USP6NL: variants seen among roughly 807,000 people sequenced by gnomAD.
USP6NL encodes the protein USP6 N-terminal like.
A neutral mutation model predicts 61.9 loss-of-function variants in USP6NL; 26 were observed. That is an observed-to-expected ratio of 0.42 (90% CI 0.31 to 0.58). The LOEUF is 0.58. Among genes scored for constraint, USP6NL ranks in the 20% least tolerant of loss-of-function variants. The probability of loss-of-function intolerance (pLI) is 0.16; values close to 1 mark genes in which losing one functional copy is unlikely to be tolerated. For missense variants in USP6NL, 1,114 were observed against 1,034.3 expected, an observed-to-expected ratio of 1.08 and a Z score of -1.06; for synonymous variants, 432 against 390.1, an observed-to-expected ratio of 1.11 and a Z score of -1.27.
intron 2 of USP6NL, among the ~76,000 whole-genome samples, chr10:11,557,914 GA>G: frequency 6.6e-6 from 1 of 152,182 alleles, no homozygotes; most frequent in Admixed American, 6.5e-5. Flanking sequence ...ATAACCAGCT[GA>G]AAATAGGTAT....
chr10:11,567,446 T>C (rs1340861124), intron 2 of USP6NL, among the ~76,000 whole-genome samples: 2 of 152,206 alleles, frequency 1.3e-5, no homozygotes, highest in Admixed American at 1.3e-4. Flanking sequence ...TAAAACAAAG[T>C]CTTGACAAAA....
intron 2 of USP6NL, 45 bp from the exon 3 acceptor site, chr10:11,527,612 T>A (rs1243583550): frequency 6.6e-6 from 10 of 1,525,144 alleles, no homozygotes; most frequent in Non-Finnish European, 8.9e-6. Context: ...ATTGAAAGAA[T>A]CGTAAAGTTA....
At chr10:11,546,425 G>C (rs1417458800) in intron 2 of USP6NL, among the ~76,000 whole-genome samples, 1 of 151,880 alleles carries the variant, frequency 6.6e-6, no homozygotes, top group African/African-American at 2.4e-5. Flanking sequence ...TTTTTCAGAC[G>C]GAGTCTTGAT....
intron 1 of USP6NL, among the ~76,000 whole-genome samples, chr10:11,610,090 C>T (rs1333723974): frequency 2.0e-5 from 3 of 152,102 alleles, no homozygotes; most frequent in Non-Finnish European, 4.4e-5. Flanking sequence ...ATATAATCAG[C>T]AAAGGAATTT....
At position 11,592,549 on chromosome 10, in the gene USP6NL, T is replaced by C. The variant is rs1037427839; in HGVS notation, c.4+5082A>G. Among the ~76,000 whole-genome samples the C allele has an allele frequency of 3.3e-5, 5 of 152,248 alleles. No individual in the cohort carries two copies. Among genetic ancestry groups the C allele is most frequent in the African/African-American group, 7.2e-5 (3 of 41,470 alleles). ...TTTATCAAACATAAATGAGTCTTAA[T>C]ATAACAAAAGGATACCTGTTATACT... On this transcript the variant is annotated intron_variant, in intron 2 of 14. Transcript: ENST00000609104. This position sits in a 1 kb window ranked among gnomAD's most constrained non-coding sequence, Gnocchi z 4.7.
intron 4 of USP6NL, among the ~76,000 whole-genome samples, chr10:11,523,154 A>G (rs1209355700): frequency 6.6e-6 from 1 of 152,262 alleles, no homozygotes; most frequent in Non-Finnish European, 1.5e-5. Context: ...GTGAAAACAT[A>G]AATACAAAAG....
intron 2 of USP6NL, among the ~76,000 whole-genome samples, chr10:11,571,136 T>C (rs1049311114): frequency 1.3e-5 from 2 of 151,306 alleles, no homozygotes; most frequent in African/African-American, 2.4e-5. Context: ...CAAGCTGGAG[T>C]GCAATGGCGC....
rs1260325173 is a variant in USP6NL at position 11,589,355 on chromosome 10, G to A, written c.4+8276C>T. The stretch of plus-strand genomic sequence containing the variant: ...CATAATTGTCAAAAGTAAACAGTTT[G>A]CAATGCTCTTCCAACACTGGTAATA... On this transcript the variant is annotated intron_variant, in intron 2 of 14. Transcript: ENST00000609104. The surrounding 1 kb of genome is among the most constrained non-coding windows in gnomAD (Gnocchi z 4.7). Among the ~76,000 whole-genome samples the A allele has an allele frequency of 6.6e-6, 1 of 152,108 alleles. No homozygotes were observed. The highest frequency in any genetic ancestry group is 2.4e-5 in the African/African-American group (1 of 41,430).
intron 14 of USP6NL, among the ~76,000 whole-genome samples, 175 bp from the exon 15 acceptor site, chr10:11,464,024 AG>A: frequency 6.6e-6 from 1 of 152,322 alleles, no homozygotes; most frequent in Non-Finnish European, 1.5e-5. Flanking sequence ...TTTATACCAC[AG>A]AAAGTTGGTA....
intron 2 of USP6NL, among the ~76,000 whole-genome samples, chr10:11,576,158 G>T (rs1330418852): frequency 6.6e-6 from 1 of 151,768 alleles, no homozygotes; most frequent in Non-Finnish European, 1.5e-5. Flanking sequence ...TAACGCTGGG[G>T]AAATCCAGGT....
At chr10:11,484,820 A>G (rs535314733) in intron 13 of USP6NL, 151 bp downstream of exon 13, 1 of 572,362 alleles carries the variant, frequency 1.7e-6, no homozygotes, top group African/African-American at 1.9e-5. Context: ...AAAGTACATT[A>G]CCAATTGATG....
Position 11,485,976 on chromosome 10 carries a change from C to A in USP6NL, c.665-65G>T, listed in dbSNP as rs969395906. ...CCAACAAAACCCTCCAATCTTAAAA[C>A]ACAACATATTTCATTTGTAACTGTC... is the stretch of plus-strand genomic sequence containing the variant. On this transcript the variant is annotated intron_variant, in intron 10 of 14. Transcript: ENST00000609104. The surrounding 1 kb of genome is among the most constrained non-coding windows in gnomAD (Gnocchi z 4.8). The A allele has an allele frequency of 9.2e-7, 1 of 1,085,982 alleles. No homozygotes were observed. The highest frequency in any genetic ancestry group is 1.3e-6 in the Non-Finnish European group (1 of 768,442). The allele number at this position is 1,085,982 out of a possible 1,614,324, so 67.3% of individuals were successfully genotyped here.
At chr10:11,519,263 A>T (rs899879743) in intron 4 of USP6NL, among the ~76,000 whole-genome samples, 2 of 152,178 alleles carry the variant, frequency 1.3e-5, no homozygotes, top group Non-Finnish European at 2.9e-5. Flanking sequence ...ATGATTGTTT[A>T]AAAAAATAGC....
At chr10:11,543,416 C>A (rs1836145291) in intron 2 of USP6NL, among the ~76,000 whole-genome samples, 1 of 152,090 alleles carries the variant, frequency 6.6e-6, no homozygotes, top group Non-Finnish European at 1.5e-5. Flanking sequence ...GTGGCAGGCG[C>A]CTGTACTCCC....
chr10:11,545,852 A>T (rs1311309913), intron 2 of USP6NL, among the ~76,000 whole-genome samples: 1 of 149,368 alleles, frequency 6.7e-6, no homozygotes, highest in Non-Finnish European at 1.5e-5. Context: ...GTATTTGCAT[A>T]TGACACTGAT....
rs187164273 is a variant in USP6NL at position 11,502,817 on chromosome 10, G to A, written c.277-1609C>T. 3.3e-5 allele frequency among the ~76,000 whole-genome samples: 5 copies of A among 152,254 alleles called. No individual in the cohort carries two copies. In the East Asian group the frequency reaches 7.7e-4, roughly 24 times the overall value. ...TTACAAAATTTGTTTTGTTCTTTTG[G>A]TATAAATATAGTATGCCTCAAATTT... On this transcript the variant is annotated intron_variant, in intron 6 of 14. Transcript: ENST00000609104.
intron 2 of USP6NL, among the ~76,000 whole-genome samples, chr10:11,571,736 A>G (rs922204288): frequency 2.6e-5 from 4 of 151,564 alleles, no homozygotes; most frequent in Non-Finnish European, 5.9e-5. Context: ...AATATGAAAA[A>G]TTGGTAAGAT....
intron 4 of USP6NL, among the ~76,000 whole-genome samples, chr10:11,522,111 A>G (rs1190304007): frequency 6.6e-6 from 1 of 152,256 alleles, no homozygotes; most frequent in Non-Finnish European, 1.5e-5. Context: ...GTTTGGCAAC[A>G]GCTTTCATAT....
chr10:11,515,409 T>C lies in USP6NL; in HGVS notation c.195+3126A>G, dbSNP rs192425257. 6.6e-5 allele frequency among the ~76,000 whole-genome samples: 10 copies of C among 152,340 alleles called. No homozygotes were observed. In the East Asian group the frequency reaches 1.9e-3, roughly 29 times the overall value. On this transcript the variant is annotated intron_variant, in intron 5 of 14. Transcript: ENST00000609104. ...ATTTGAACATTACTGCGTATTGTGA[T>C]ATAATGAGAACTATATGATCTCTGC... is the stretch of plus-strand genomic sequence containing the variant.
Sources: allele counts gnomAD v4.1 joint callset (sites outside exome capture counted in the v4.1 genomes callset), GRCh38; gene constraint gnomAD v4.1.1; non-coding constraint Gnocchi (gnomAD v3.1); transcripts MANE v1.5; gene names NCBI Gene and HGNC (gene_info 2026-07-23, HGNC 2026-07-21).